REEP3: variants seen among roughly 807,000 people sequenced by gnomAD.
REEP3 encodes the protein receptor expression-enhancing protein 3.
Under a neutral mutation model 41.3 loss-of-function variants are expected in REEP3, and 20 were observed. The observed-to-expected ratio is 0.48, with a 90% CI of 0.34 to 0.70. REEP3 has a LOEUF of 0.70. Ranked by LOEUF, REEP3 falls within the 30% of genes least tolerant of loss-of-function variation. The pLI is 0.01. For missense variants in REEP3, 271 were observed against 308.8 expected (o/e 0.88, Z 0.92); for synonymous variants, 104 against 101.8 (o/e 1.02, Z -0.13).
At chr10:63,597,139 G>A (rs1956122618) in intron 3 of REEP3, among the ~76,000 whole-genome samples, 1 of 152,178 alleles carries the variant, frequency 6.6e-6, no homozygotes, top group African/African-American at 2.4e-5. Context: ...GTCATTGGTT[G>A]AGGAAGTATA....
chr10:63,614,414 C>T (rs1956297953), intron 6 of REEP3, among the ~76,000 whole-genome samples: 1 of 152,170 alleles, frequency 6.6e-6, no homozygotes. Flanking sequence ...CAGCTGTGGT[C>T]TGACAGCAGC....
intron 6 of REEP3, among the ~76,000 whole-genome samples, chr10:63,610,598 C>T (rs1382787321): frequency 6.6e-6 from 1 of 151,696 alleles, no homozygotes; most frequent in Non-Finnish European, 1.5e-5. Context: ...TATATATACA[C>T]GTATATATAT....
chr10:63,591,940 C>T (rs1956068019), intron 2 of REEP3, among the ~76,000 whole-genome samples: 1 of 152,106 alleles, frequency 6.6e-6, no homozygotes, highest in African/African-American at 2.4e-5. Context: ...AGATCACAAC[C>T]ATCAACACAG....
At chr10:63,611,558 TAAG>T (rs1956277479) in intron 6 of REEP3, among the ~76,000 whole-genome samples, 3 of 152,220 alleles carry the variant, frequency 2.0e-5, no homozygotes, top group East Asian at 3.9e-4. Context: ...TCACATATAA[TAAG>T]AAAGTTTTAA....
At chr10:63,547,672 C>A (rs1484540230) in intron 1 of REEP3, among the ~76,000 whole-genome samples, 2 of 152,064 alleles carry the variant, frequency 1.3e-5, no homozygotes, top group Non-Finnish European at 2.9e-5. Context: ...CAAATTTAGC[C>A]TAAAATGTGA....
In REEP3 at chr10:63,603,469, T is replaced by G. The variant is rs148692570; in HGVS notation, c.417+4186T>G. Among the ~76,000 whole-genome samples, 241 of 152,350 alleles carry G rather than the reference T, an allele frequency of 1.6e-3. 3 individuals carry two copies. The South Asian group carries it at 0.028, about 17-fold the overall frequency. On this transcript the variant is annotated intron_variant, in intron 5 of 7. Coordinates refer to ENST00000373758, the MANE Select transcript of REEP3 (RefSeq NM_001001330.3). ...CTGGCTCTCTTGTGATTTATTCTTT[T>G]AATTTATACGTTTAACACCTTAAAA...
At chr10:63,603,958 G>A (rs1956200294) in intron 5 of REEP3, among the ~76,000 whole-genome samples, 2 of 152,282 alleles carry the variant, frequency 1.3e-5, no homozygotes, top group African/African-American at 4.8e-5. Flanking sequence ...TAGGAAATAG[G>A]TCAGGTTTAA....
chr10:63,573,527 C>T (rs547863751), intron 2 of REEP3, among the ~76,000 whole-genome samples: 25 of 152,230 alleles, frequency 1.6e-4, no homozygotes, highest in Admixed American at 2.0e-4. Flanking sequence ...ACATTTGGTT[C>T]TGAGATTTAC....
chr10:63,556,232 C>T (rs1408852277), intron 1 of REEP3, among the ~76,000 whole-genome samples: 3 of 152,298 alleles, frequency 2.0e-5, no homozygotes, highest in East Asian at 3.9e-4. Flanking sequence ...TCTCCTGCCT[C>T]AGCCTCCCAA....
intron 1 of REEP3, among the ~76,000 whole-genome samples, chr10:63,524,688 C>T (rs562140382): frequency 4.6e-5 from 7 of 152,198 alleles, no homozygotes; most frequent in Admixed American, 2.6e-4. Context: ...TCAAGTGATC[C>T]GCCCACCTTC....
intron 1 of REEP3, among the ~76,000 whole-genome samples, chr10:63,530,740 TTAAG>T (rs1955413250): frequency 6.6e-6 from 1 of 152,214 alleles, no homozygotes; most frequent in Non-Finnish European, 1.5e-5. Flanking sequence ...ATTATGTACT[TTAAG>T]TATAGATGAA....
intron 2 of REEP3, among the ~76,000 whole-genome samples, chr10:63,588,583 C>T (rs1252835547): frequency 6.6e-6 from 1 of 152,146 alleles, no homozygotes; most frequent in Non-Finnish European, 1.5e-5. Context: ...TTCACCAATC[C>T]ATCAACATAC....
intron 6 of REEP3, among the ~76,000 whole-genome samples, chr10:63,617,547 A>C (rs991457056): frequency 6.6e-6 from 1 of 152,002 alleles, no homozygotes; most frequent in East Asian, 1.9e-4. Flanking sequence ...CTACAGGTGC[A>C]CAACACCATA....
At chr10:63,530,452 G>T (rs1159359845) in intron 1 of REEP3, among the ~76,000 whole-genome samples, 1 of 151,514 alleles carries the variant, frequency 6.6e-6, no homozygotes, top group East Asian at 2.0e-4. Context: ...TAGGAACAAT[G>T]ATGTTTTCAA....
intron 1 of REEP3, among the ~76,000 whole-genome samples, chr10:63,537,204 C>G (rs560431424): frequency 2.0e-5 from 3 of 151,950 alleles, no homozygotes; most frequent in African/African-American, 7.2e-5. Flanking sequence ...CTTGGATGAC[C>G]GTTAGGAAAG....
At chr10:63,607,743 G>A (rs560254900) in intron 5 of REEP3, among the ~76,000 whole-genome samples, 1 of 152,328 alleles carries the variant, frequency 6.6e-6, no homozygotes, top group Admixed American at 6.5e-5. Flanking sequence ...TGTCTTAAAA[G>A]TCTTGCTCTG....
intron 1 of REEP3, among the ~76,000 whole-genome samples, chr10:63,533,708 A>ATTTTTTTTTTTTT (rs1464023228): frequency 2.1e-5 from 2 of 93,912 alleles, no homozygotes; most frequent in African/African-American, 3.3e-5. Flanking sequence ...AAGTATGTAA[A>ATTTTTTTTTTTTT]TCTTTTTTTT....
intron 5 of REEP3, among the ~76,000 whole-genome samples, chr10:63,601,024 G>C (rs1383495304): frequency 6.6e-6 from 1 of 151,874 alleles, no homozygotes; most frequent in Non-Finnish European, 1.5e-5. Flanking sequence ...GTGGTGGGGG[G>C]GCGCCTGTAA....
chr10:63,547,307 A>G (rs1448465478), intron 1 of REEP3, among the ~76,000 whole-genome samples: 9 of 152,256 alleles, frequency 5.9e-5, no homozygotes, highest in Non-Finnish European at 2.9e-5. Flanking sequence ...TGATAATGAC[A>G]AATGGGAAAA....
Sources: allele counts gnomAD v4.1 joint callset (sites outside exome capture counted in the v4.1 genomes callset), GRCh38; gene constraint gnomAD v4.1.1; transcripts MANE v1.5; gene names NCBI Gene and HGNC (gene_info 2026-07-23, HGNC 2026-07-21).